Variants in GRAMD4 observed in about 807,000 individuals in gnomAD.
GRAMD4 encodes the protein GRAM domain-containing protein 4.
A neutral mutation model predicts 83.9 loss-of-function variants in GRAMD4; 25 were observed. The ratio of observed to expected loss-of-function variants is 0.30; its 90% confidence interval spans 0.22 to 0.42. The LOEUF is 0.42. Ranked by LOEUF, GRAMD4 falls within the 10% of genes least tolerant of loss-of-function variation. The probability of loss-of-function intolerance (pLI) is 1.00; values close to 1 mark genes in which losing one functional copy is unlikely to be tolerated. For missense variants in GRAMD4, 593 were observed against 788.7 expected (o/e 0.75, Z 2.97); for synonymous variants, 336 against 320.9 (o/e 1.05, Z -0.50).
At chr22:46,681,367 A>G (rs1005095356), downstream of GRAMD4, among the ~76,000 whole-genome samples, 1 of 152,240 alleles carries the variant, frequency 6.6e-6, no homozygotes, top group African/African-American at 2.4e-5. Context: ...ATTTAGTGTC[A>G]ATAAAGGTGC....
At chr22:46,652,559 G>A (rs953853995) in intron 3 of GRAMD4, among the ~76,000 whole-genome samples, 3 of 152,174 alleles carry the variant, frequency 2.0e-5, no homozygotes, top group East Asian at 1.9e-4. Context: ...GTGTGGCCTC[G>A]CTCCCACCCC....
intron 1 of GRAMD4, among the ~76,000 whole-genome samples, chr22:46,603,515 C>CTTTTTT (rs71192425): frequency 3.7e-5 from 3 of 81,588 alleles, no homozygotes; most frequent in African/African-American, 8.8e-5. Context: ...GGCCTCTTCT[C>CTTTTTT]TTTTTTTTTT....
At chr22:46,624,607 T>G (rs1402199356) in intron 1 of GRAMD4, among the ~76,000 whole-genome samples, 2 of 152,190 alleles carry the variant, frequency 1.3e-5, no homozygotes, top group African/African-American at 2.4e-5. Context: ...ATTACAGGCG[T>G]GAACCACTGC....
At position 46,679,175 on chromosome 22, in the gene GRAMD4, G is replaced by A. The variant is rs796498764; in HGVS notation, c.*1924G>A. ...CAGGGCCCGGCAGTGCCCAAGGATG[G>A]GTCCGGGGCCTCGGGGCCAATGAGC... On this transcript the variant is annotated 3_prime_UTR_variant, in exon 19 of 19. Coordinates refer to ENST00000406902, the MANE Select transcript of GRAMD4 (RefSeq NM_015124.5). 6.6e-5 allele frequency: 65 copies of A among 985,506 alleles called. 1 individual carries two copies. In the African/African-American group the frequency reaches 9.4e-4, roughly 14 times the overall value. 61.0% of individuals were successfully genotyped at this position (985,506 alleles called of 1,614,324 possible).
chr22:46,626,489 G>A (rs1376512512), intron 1 of GRAMD4, among the ~76,000 whole-genome samples: 1 of 152,220 alleles, frequency 6.6e-6, no homozygotes, highest in African/African-American at 2.4e-5. Context: ...CCTGGGTGGG[G>A]TGGCCAAGGG....
chr22:46,633,931 C>G (rs1390660805), intron 2 of GRAMD4, among the ~76,000 whole-genome samples: 1 of 152,194 alleles, frequency 6.6e-6, no homozygotes, highest in African/African-American at 2.4e-5. Flanking sequence ...GCACTGAGGT[C>G]TCCCAGGCCA....
rs577688628 is a variant in GRAMD4, at chr22:46,658,431, C to G, written c.404+124C>G. The stretch of plus-strand genomic sequence containing the variant: ...AGCATCATTCTTGGCCCTGGAGAGG[C>G]CTGAGTGTGAGGGTGGGCCCGGCTC... On this transcript the variant is annotated intron_variant, in intron 4 of 18. Transcript: ENST00000406902. 6.1e-4 allele frequency: 595 copies of G among 980,694 alleles called. 4 individuals are homozygous for G. The highest frequency in any genetic ancestry group is 2.7e-4 in the Non-Finnish European group (184 of 681,816). 60.7% of individuals were successfully genotyped at this position (980,694 alleles called of 1,614,324 possible). A position where few individuals can be genotyped will look rare whatever the true frequency, so the allele number is the denominator to read the frequency against.
chr22:46,637,880 A>T lies in GRAMD4; in HGVS notation c.203A>T (p.Asp68Val), dbSNP rs769892367. The T allele has an allele frequency of 1.8e-5, 29 of 1,613,872 alleles. No homozygotes were observed. The South Asian group carries it at 3.1e-4, about 17-fold the overall frequency. ...CTCATCATGGCCACAGGAGTCCAGG[A>T]CTTTAACCGGACAGAGTTTGATCGA... ...GTLIMATGVQ[D>V]FNRTEFDRLN... The change falls in exon 3 of 19, where the codon GAC (aspartate) becomes GTC (valine). Residue 68 changes from aspartate to valine, a missense_variant. Physicochemically the swap from Asp to Val is radical, Grantham distance 152 (BLOSUM62 -3). Coordinates refer to ENST00000406902, the MANE Select transcript of GRAMD4 (RefSeq NM_015124.5).
chr22:46,617,959 G>A (rs941222541), upstream of GRAMD4, among the ~76,000 whole-genome samples: 2 of 152,224 alleles, frequency 1.3e-5, no homozygotes, highest in Non-Finnish European at 2.9e-5. Flanking sequence ...ATTCAGGGAC[G>A]CTGTGCTTTG....
At chr22:46,623,057 C>A (rs1302921385) in intron 1 of GRAMD4, among the ~76,000 whole-genome samples, 2 of 152,174 alleles carry the variant, frequency 1.3e-5, no homozygotes, top group African/African-American at 4.8e-5. Flanking sequence ...CCACCGTAAG[C>A]CCATACTCCC....
In GRAMD4 at chr22:46,668,825, T is replaced by C. The variant is rs766947468; in HGVS notation, c.1001T>C (p.Ile334Thr). The change falls in exon 13 of 19, where the codon ATC becomes ACC. Residue 334 changes from isoleucine (I) to threonine (T), a missense_variant. By Grantham distance (89) the Ile-to-Thr change is moderately conservative. Coordinates refer to ENST00000406902, the MANE Select transcript of GRAMD4 (RefSeq NM_015124.5). ...TTGTTCATGTGGGTCCAGCCGGAGA[T>C]CACACAGAAGCTGTATGTGGCGCTC... ...KNLFMWVQPE[I>T]TQKLYVALWA... 1.9e-6 allele frequency: 3 copies of C among 1,597,652 alleles called. No individual in the cohort carries two copies. Among genetic ancestry groups the C allele is most frequent in the Non-Finnish European group, 2.6e-6 (3 of 1,171,168 alleles).
chr22:46,651,138 AG>A (rs11322630), intron 3 of GRAMD4, among the ~76,000 whole-genome samples: 4,599 of 152,270 alleles, frequency 0.03, 185 homozygotes, highest in African/African-American at 0.079. Context: ...TCGGGGGAGC[AG>A]ACCCCTGGAT....
intron 1 of GRAMD4, among the ~76,000 whole-genome samples, chr22:46,595,711 G>A (rs756197514): frequency 2.6e-5 from 4 of 152,224 alleles, no homozygotes; most frequent in African/African-American, 9.6e-5. Flanking sequence ...GGACCCCTGC[G>A]GCCGGTCAGG....
chr22:46,619,635 G>A (rs1314262128), upstream of GRAMD4, among the ~76,000 whole-genome samples: 1 of 152,170 alleles, frequency 6.6e-6, no homozygotes, highest in African/African-American at 2.4e-5. Flanking sequence ...TTTGCTGGCC[G>A]CCCCCGGTCC....
intron 1 of GRAMD4, among the ~76,000 whole-genome samples, chr22:46,608,601 C>T (rs938636612): frequency 1.3e-5 from 2 of 152,088 alleles, no homozygotes; most frequent in African/African-American, 4.8e-5. Flanking sequence ...ATTGCTTGAA[C>T]CCAGGAGGCA....
At chr22:46,583,672 C>T in intron 1 of GRAMD4, among the ~76,000 whole-genome samples, 1 of 152,344 alleles carries the variant, frequency 6.6e-6, no homozygotes, top group Non-Finnish European at 1.5e-5. Context: ...GCGACTGGGG[C>T]CCTGGCTTAG....
intron 2 of GRAMD4, among the ~76,000 whole-genome samples, chr22:46,632,561 G>C (rs938343808): frequency 6.6e-6 from 1 of 152,202 alleles, no homozygotes; most frequent in Admixed American, 6.5e-5. Context: ...TGGCTCCTCT[G>C]TAGGTCTGAG....
chr22:46,680,805 C>CCCATCCATCCATCCAGCCAT (rs2082664896), downstream of GRAMD4, among the ~76,000 whole-genome samples: 3 of 55,842 alleles, frequency 5.4e-5, no homozygotes, highest in Non-Finnish European at 9.3e-5. Context: ...CATTCACCTA[C>CCCATCCATCCATCCAGCCAT]CCATCCATCC....
intron 3 of GRAMD4, among the ~76,000 whole-genome samples, chr22:46,656,183 G>A (rs1402464513): frequency 6.6e-6 from 1 of 152,240 alleles, no homozygotes; most frequent in Non-Finnish European, 1.5e-5. Context: ...GGGCCGGGGA[G>A]CAGGGCAGAG....
Sources: allele counts gnomAD v4.1 joint callset (sites outside exome capture counted in the v4.1 genomes callset), GRCh38; gene constraint gnomAD v4.1.1; transcripts MANE v1.5; gene names NCBI Gene and HGNC (gene_info 2026-07-23, HGNC 2026-07-21).